METTL15: variants seen among roughly 807,000 people sequenced by gnomAD.
METTL15 encodes methyltransferase 15, mitochondrial 12S rRNA N4-cytidine.
Under a neutral mutation model 38.3 loss-of-function variants are expected in METTL15, and 34 were observed. The observed-to-expected ratio is 0.89, with a 90% CI of 0.68 to 1.18. The LOEUF is 1.18. METTL15 is among the 50% of genes most tolerant of loss of function. METTL15 has a pLI of 0.00. For missense variants in METTL15, 438 were observed against 498.4 expected, an observed-to-expected ratio of 0.88 and a Z score of 1.15; for synonymous variants, 162 against 170.9, an observed-to-expected ratio of 0.95 and a Z score of 0.41.
intron 4 of METTL15, among the ~76,000 whole-genome samples, chr11:28,261,683 G>A (rs1312588345): frequency 2.0e-5 from 3 of 152,028 alleles, no homozygotes; most frequent in East Asian, 1.9e-4. Context: ...GGAGCACATC[G>A]ACTACAGTTC....
At chr11:28,267,675 C>T (rs1388716125) in intron 4 of METTL15, among the ~76,000 whole-genome samples, 1 of 152,116 alleles carries the variant, frequency 6.6e-6, no homozygotes, top group Admixed American at 6.6e-5. Context: ...TATTTCATTT[C>T]ATTGTCTTCT....
intron 5 of METTL15, among the ~76,000 whole-genome samples, chr11:28,401,679 G>A (rs901304720): frequency 2.3e-4 from 35 of 151,876 alleles, no homozygotes; most frequent in African/African-American, 8.5e-4. Flanking sequence ...CTGAACTCCA[G>A]AGGGAAGCAC....
At chr11:28,398,876 A>G (rs1469120321) in intron 5 of METTL15, 1 of 152,014 alleles carries the variant, frequency 6.6e-6, no homozygotes, top group Non-Finnish European at 1.5e-5. Flanking sequence ...CATACTGCCC[A>G]AGTAATTTAT....
intron 3 of METTL15, among the ~76,000 whole-genome samples, chr11:28,174,744 G>A (rs1850990099): frequency 1.3e-5 from 2 of 151,286 alleles, no homozygotes; most frequent in Non-Finnish European, 2.9e-5. Flanking sequence ...GAAGCCGGGG[G>A]GCGGAGCTTG....
intron 4 of METTL15, among the ~76,000 whole-genome samples, chr11:28,220,806 C>G (rs1853172424): frequency 6.6e-6 from 1 of 152,094 alleles, no homozygotes; most frequent in African/African-American, 2.4e-5. Flanking sequence ...TATCTTATTT[C>G]TCCTTCACTC....
chr11:28,186,523 G>A (rs1361939799), intron 3 of METTL15, among the ~76,000 whole-genome samples: 1 of 150,984 alleles, frequency 6.6e-6, no homozygotes, highest in Non-Finnish European at 1.5e-5. Context: ...TAAAAATAGT[G>A]TATTTCACAA....
intron 4 of METTL15, among the ~76,000 whole-genome samples, chr11:28,268,666 T>G (rs1322547589): frequency 2.6e-5 from 4 of 152,210 alleles, no homozygotes; most frequent in Admixed American, 1.3e-4. Flanking sequence ...GATTGTAAAT[T>G]TATATGTTTA....
At chr11:28,377,059 G>T (rs1326949280) in intron 5 of METTL15, among the ~76,000 whole-genome samples, 1 of 133,020 alleles carries the variant, frequency 7.5e-6, no homozygotes, top group African/African-American at 2.6e-5. Flanking sequence ...CCCTTTGAGG[G>T]TAACCCGACC....
At chr11:28,394,153 G>A (rs938643169) in intron 5 of METTL15, among the ~76,000 whole-genome samples, 11 of 152,086 alleles carry the variant, frequency 7.2e-5, no homozygotes, top group Admixed American at 7.2e-4. Context: ...GCAGAGCAGA[G>A]AGAGAGGGGA....
At chr11:28,234,336 G>C (rs1426963024) in intron 4 of METTL15, among the ~76,000 whole-genome samples, 1 of 151,310 alleles carries the variant, frequency 6.6e-6, no homozygotes, top group Non-Finnish European at 1.5e-5. Context: ...GGGATGGCTG[G>C]CTCAAATGGT....
chr11:28,273,188 A>G (rs1425879017), intron 4 of METTL15, among the ~76,000 whole-genome samples: 1 of 152,198 alleles, frequency 6.6e-6, no homozygotes, highest in Non-Finnish European at 1.5e-5. Context: ...ATAGTACCTG[A>G]CACATAGAAG....
chr11:28,455,938 C>G (rs1851164641), intron 6 of METTL15, among the ~76,000 whole-genome samples: 1 of 152,022 alleles, frequency 6.6e-6, no homozygotes, highest in South Asian at 2.1e-4. Context: ...AATCTCCTGA[C>G]CTCGTGATCT....
Position 28,116,518 on chromosome 11 carries a change from A to T in METTL15, c.270+2914A>T, listed in dbSNP as rs567223312. Among the ~76,000 whole-genome samples, 11 of 152,354 alleles carry T rather than the reference A, an allele frequency of 7.2e-5. No homozygotes were observed. The South Asian group carries it at 2.3e-3, about 32-fold the overall frequency. On this transcript the variant is annotated intron_variant, in intron 3 of 6. Coordinates refer to ENST00000407364, the MANE Select transcript of METTL15 (RefSeq NM_001113528.2). Reference sequence around the variant, plus strand: ...TAGGTTCTAAGCTCTTGTCTAGGAAACATGTGCATGTGTGCACACACCCAG... The same window carrying T: ...TAGGTTCTAAGCTCTTGTCTAGGAATCATGTGCATGTGTGCACACACCCAG...
intron 6 of METTL15, among the ~76,000 whole-genome samples, chr11:28,311,214 CCTTTCT>C (rs1857292437): frequency 1.3e-5 from 2 of 151,976 alleles, no homozygotes; most frequent in Admixed American, 1.3e-4. Flanking sequence ...GTTATTTAAT[CCTTTCT>C]CTTTCTCAGT....
intron 6 of METTL15, among the ~76,000 whole-genome samples, chr11:28,497,836 A>G (rs893998397): frequency 6.6e-6 from 1 of 152,118 alleles, no homozygotes; most frequent in African/African-American, 2.4e-5. Context: ...AGGCAGGCAG[A>G]TCTCTTGAGG....
chr11:28,452,431 A>C (rs1223093713), intron 6 of METTL15, among the ~76,000 whole-genome samples: 1 of 152,206 alleles, frequency 6.6e-6, no homozygotes. Context: ...ATTCAAGGGC[A>C]GCTGTATCTT....
intron 3 of METTL15, among the ~76,000 whole-genome samples, chr11:28,169,765 CCTTT>C (rs1462650012): frequency 4.6e-5 from 7 of 151,548 alleles, no homozygotes; most frequent in African/African-American, 1.7e-4. Flanking sequence ...TTAATATAAG[CCTTT>C]CTTTCACAAA....
chr11:28,112,427 G>A (rs189528011), intron 2 of METTL15, among the ~76,000 whole-genome samples: 44 of 152,252 alleles, frequency 2.9e-4, no homozygotes, highest in Admixed American at 2.2e-3. Context: ...AGTATCAAGC[G>A]GTGTTTACTG....
intron 4 of METTL15, among the ~76,000 whole-genome samples, chr11:28,283,995 T>C (rs1294843896): frequency 2.0e-5 from 3 of 152,122 alleles, no homozygotes; most frequent in Admixed American, 6.6e-5. Context: ...GGGCATGTAA[T>C]CTGCCTATCT....
Sources: allele counts gnomAD v4.1 joint callset (sites outside exome capture counted in the v4.1 genomes callset), GRCh38; gene constraint gnomAD v4.1.1; transcripts MANE v1.5; gene names NCBI Gene and HGNC (gene_info 2026-07-23, HGNC 2026-07-21).